Variants in RAB11A observed in about 807,000 individuals in gnomAD.
RAB11A encodes RAB11A, member RAS oncogene family.
RAB11A carries 9 observed loss-of-function variants against 28.0 expected under a neutral mutation model. The observed-to-expected ratio is 0.32, with a 90% CI of 0.19 to 0.56. The LOEUF (loss-of-function observed/expected upper bound fraction) is 0.56, where lower values mean the gene tolerates loss of function less well. Ranked by LOEUF, RAB11A falls within the 20% of genes least tolerant of loss-of-function variation. RAB11A has a pLI of 0.91. For missense variants in RAB11A, 108 were observed against 269.6 expected, an observed-to-expected ratio of 0.40 and a Z score of 4.20; for synonymous variants, 85 against 88.2, an observed-to-expected ratio of 0.96 and a Z score of 0.20.
At chr15:65,882,979 T>G (rs558657800) in intron 4 of RAB11A, among the ~76,000 whole-genome samples, 17 of 152,226 alleles carry the variant, frequency 1.1e-4, no homozygotes, top group Non-Finnish European at 2.4e-4. Context: ...GCTTTGTCCT[T>G]TTCTTTCTCT....
chr15:65,885,713 A>G (rs1403346635), intron 4 of RAB11A, among the ~76,000 whole-genome samples: 1 of 152,266 alleles, frequency 6.6e-6, no homozygotes, highest in African/African-American at 2.4e-5. Context: ...AGATCTAAAT[A>G]GAAACCTCTG....
intron 1 of RAB11A, among the ~76,000 whole-genome samples, chr15:65,871,099 G>C (rs1333105052): frequency 2.9e-4 from 44 of 152,152 alleles, no homozygotes. Flanking sequence ...GTTAAGCATG[G>C]TGACTGTTTC....
At chr15:65,871,852 G>A (rs2078162867) in intron 1 of RAB11A, among the ~76,000 whole-genome samples, 1 of 148,048 alleles carries the variant, frequency 6.8e-6, no homozygotes, top group Non-Finnish European at 1.5e-5. Context: ...GAGACTGTTC[G>A]TAAAATTTTA....
At chr15:65,874,840 G>A (rs1596783311) in intron 1 of RAB11A, among the ~76,000 whole-genome samples, 1 of 152,080 alleles carries the variant, frequency 6.6e-6, no homozygotes, top group East Asian at 2.0e-4. Context: ...GAGCCCTGGA[G>A]TTTGAGACCC....
chr15:65,873,824 A>G (rs1296883372), intron 1 of RAB11A, among the ~76,000 whole-genome samples: 3 of 151,922 alleles, frequency 2.0e-5, no homozygotes, highest in Non-Finnish European at 4.4e-5. Context: ...TCCTGGGCTC[A>G]AGGGATCCTC....
At position 65,877,129 on chromosome 15, in the gene RAB11A, A is replaced by T. The variant is rs1424839977; in HGVS notation, c.41-203A>T. ...AAGTCATGCAGGTAGAAACAGGTTG[A>T]AAAGAATAAATCGGTTTTATTGATT... On this transcript the variant is annotated intron_variant, in intron 1 of 4. Coordinates refer to ENST00000261890, the MANE Select transcript of RAB11A (RefSeq NM_004663.5). The surrounding 1 kb of genome is among the most constrained non-coding windows in gnomAD (Gnocchi z 4.1). Among the ~76,000 whole-genome samples, 2 of 152,254 alleles carry T rather than the reference A, an allele frequency of 1.3e-5. No individual in the cohort carries two copies. Among genetic ancestry groups the T allele is most frequent in the African/African-American group, 4.8e-5 (2 of 41,472 alleles).
intron 4 of RAB11A, among the ~76,000 whole-genome samples, chr15:65,887,252 C>T (rs369177156): frequency 8.6e-5 from 13 of 151,840 alleles, no homozygotes; most frequent in African/African-American, 3.1e-4. Context: ...CATCTCACGA[C>T]AACCTCCGCC....
Position 65,887,949 on chromosome 15 carries a change from T to G in RAB11A, c.*109T>G. On this transcript the variant is annotated 3_prime_UTR_variant, in exon 5 of 5. Transcript: ENST00000261890. ...CTTTTGTGTTTTATTACTTCATACT[T>G]ATGAATTTTTCCATGTCCTAAGTCT... 1 of 1,191,490 alleles carries G rather than the reference T, an allele frequency of 8.4e-7. No homozygotes were observed. The highest frequency in any genetic ancestry group is 1.1e-6 in the Non-Finnish European group (1 of 901,580). The allele number at this position is 1,191,490 out of a possible 1,614,324, so 73.8% of individuals were successfully genotyped here.
Position 65,877,286 on chromosome 15 carries a change from A to C in RAB11A, c.41-46A>C. 6.8e-7 allele frequency: 1 copy of C among 1,473,010 alleles called. No individual in the cohort carries two copies. The highest frequency in any genetic ancestry group is 9.3e-7 in the Non-Finnish European group (1 of 1,073,370). 91.2% of individuals were successfully genotyped at this position (1,473,010 alleles called of 1,614,324 possible). ...TGTTGAAAGCATAGTGGTGTTCTGA[A>C]TATGTTTGCCTCATTCATCTGACAT... On this transcript the variant is annotated intron_variant, in intron 1 of 4. Coordinates refer to ENST00000261890, the MANE Select transcript of RAB11A (RefSeq NM_004663.5). This position sits in a 1 kb window ranked among gnomAD's most constrained non-coding sequence, Gnocchi z 4.1.
chr15:65,877,231 C>T lies in RAB11A; in HGVS notation c.41-101C>T. ...AAAGTCATATACCTTATTTTTCTTG[C>T]TTTATTTACTCTGAAGCCAAACTTC... On this transcript the variant is annotated intron_variant, in intron 1 of 4. Transcript: ENST00000261890. The surrounding 1 kb of genome is among the most constrained non-coding windows in gnomAD (Gnocchi z 4.1). 2 of 998,058 alleles carry T rather than the reference C, an allele frequency of 2.0e-6. No individual in the cohort carries two copies. The highest frequency in any genetic ancestry group is 2.9e-6 in the Non-Finnish European group (2 of 684,036). 61.8% of individuals were successfully genotyped at this position (998,058 alleles called of 1,614,324 possible).
chr15:65,883,935 A>T (rs142145338), intron 4 of RAB11A, among the ~76,000 whole-genome samples: 55 of 152,358 alleles, frequency 3.6e-4, no homozygotes, highest in African/African-American at 1.3e-3. Flanking sequence ...AAAATTAAGA[A>T]CTAATTTCTC....
intron 1 of RAB11A, among the ~76,000 whole-genome samples, chr15:65,870,482 A>G (rs934206870): frequency 6.6e-6 from 1 of 152,108 alleles, no homozygotes; most frequent in African/African-American, 2.4e-5. Flanking sequence ...CTCCCTACTC[A>G]GTGGCACCCA....
At chr15:65,885,325 A>T (rs2078249837) in intron 4 of RAB11A, among the ~76,000 whole-genome samples, 1 of 151,306 alleles carries the variant, frequency 6.6e-6, no homozygotes, top group Non-Finnish European at 1.5e-5. Flanking sequence ...ACGGGGTTTC[A>T]CCATGTTTGC....
intron 1 of RAB11A, 36 bp downstream of exon 1, chr15:65,869,661 C>T (rs748441158): frequency 5.0e-6 from 8 of 1,593,272 alleles, no homozygotes; most frequent in East Asian, 2.3e-5. Context: ...ACACAGTCCT[C>T]GTTCGGGGAC....
rs1253412374 is a variant in RAB11A at position 65,872,057 on chromosome 15, C to A, written c.40+2432C>A. Among the ~76,000 whole-genome samples the A allele has an allele frequency of 4.6e-5, 7 of 151,364 alleles. No homozygotes were observed. The East Asian group carries it at 1.4e-3, about 30-fold the overall frequency. On this transcript the variant is annotated intron_variant, in intron 1 of 4. Coordinates refer to ENST00000261890, the MANE Select transcript of RAB11A (RefSeq NM_004663.5). ...AGGTGACCCCCCGACCTCAGCCTCCCTAGCTACTCTCTAGCTCCTAGGAGT... is the reference window on the plus strand; with the variant it reads ...AGGTGACCCCCCGACCTCAGCCTCCATAGCTACTCTCTAGCTCCTAGGAGT...
Position 65,878,743 on chromosome 15 carries a change from A to G in RAB11A, c.430+788A>G, listed in dbSNP as rs141356508. Among the ~76,000 whole-genome samples, 519 of 152,354 alleles carry G rather than the reference A, an allele frequency of 3.4e-3. 4 individuals carry two copies. Among genetic ancestry groups the G allele is most frequent in the African/African-American group, 0.012 (501 of 41,586 alleles). On this transcript the variant is annotated intron_variant, in intron 3 of 4. Transcript: ENST00000261890. ...TTGCCTTTGCACTAATGCTTATGCT[A>G]TGAATAACTTTCTGTAACAGTTTTT...
intron 4 of RAB11A, among the ~76,000 whole-genome samples, chr15:65,887,479 T>C (rs1438003496): frequency 1.3e-5 from 2 of 152,228 alleles, no homozygotes; most frequent in African/African-American, 2.4e-5. Flanking sequence ...CCCTCTGACA[T>C]GGAAAAACCT....
At chr15:65,884,758 TAAAA>T (rs59249589) in intron 4 of RAB11A, among the ~76,000 whole-genome samples, 2 of 120,888 alleles carry the variant, frequency 1.7e-5, no homozygotes, top group East Asian at 2.3e-4. Context: ...GGTGTGTCAT[TAAAA>T]AAAAAAAAAA....
intron 4 of RAB11A, among the ~76,000 whole-genome samples, chr15:65,885,732 C>T (rs1313572192): frequency 1.3e-5 from 2 of 152,142 alleles, no homozygotes; most frequent in African/African-American, 2.4e-5. Context: ...TGAAAGTTTG[C>T]TGGAAAATCA....
Sources: allele counts gnomAD v4.1 joint callset (sites outside exome capture counted in the v4.1 genomes callset), GRCh38; gene constraint gnomAD v4.1.1; non-coding constraint Gnocchi (gnomAD v3.1); transcripts MANE v1.5; gene names NCBI Gene and HGNC (gene_info 2026-07-23, HGNC 2026-07-21).